The following SLK variants were observed in gnomAD, a reference collection of about 807,000 sequenced individuals.
SLK encodes STE20-like serine/threonine-protein kinase.
In SLK, 67 loss-of-function variants were observed where a neutral mutation model predicts 147.7. The observed-to-expected ratio is 0.45, with a 90% CI of 0.37 to 0.56. SLK has a LOEUF of 0.56. SLK is among the 20% of genes least tolerant of loss of function. The pLI is 0.00. For missense variants in SLK, 1,136 were observed against 1,438.8 expected (o/e 0.79, Z 3.41); for synonymous variants, 441 against 475.0 (o/e 0.93, Z 0.93).
At chr10:104,006,769 A>G (rs1844331211) in intron 11 of SLK, among the ~76,000 whole-genome samples, 1 of 150,422 alleles carries the variant, frequency 6.6e-6, no homozygotes, top group Non-Finnish European at 1.5e-5. Context: ...TGAACTGTGG[A>G]TTGTTGATTA....
chr10:104,010,678 A>G (rs766956149), intron 12 of SLK, 138 bp from the exon 13 acceptor site: 5 of 476,572 alleles, frequency 1.0e-5, no homozygotes, highest in Non-Finnish European at 1.9e-5. Flanking sequence ...TTTTCACCAG[A>G]CTAACACCTA....
intron 1 of SLK, among the ~76,000 whole-genome samples, chr10:103,971,292 T>C (rs1397316540): frequency 6.6e-6 from 1 of 152,202 alleles, no homozygotes; most frequent in East Asian, 1.9e-4. Flanking sequence ...TGTTTTGTTT[T>C]GAGATGGAGT....
At chr10:103,972,697 C>G (rs1218921863) in intron 1 of SLK, among the ~76,000 whole-genome samples, 3 of 151,840 alleles carry the variant, frequency 2.0e-5, no homozygotes, top group Non-Finnish European at 2.9e-5. Context: ...TTTCCTTGCT[C>G]TGCATCTTTG....
chr10:103,974,437 C>A (rs1381773992), intron 1 of SLK: 1 of 148,090 alleles, frequency 6.8e-6, no homozygotes, highest in Non-Finnish European at 1.5e-5. Flanking sequence ...CGGTGAAACC[C>A]CGTCTCTACT....
At position 104,020,587 on chromosome 10, in the gene SLK, A is replaced by G; in HGVS notation, c.3421A>G (p.Asn1141Asp). 1 of 1,613,806 alleles carries G rather than the reference A, an allele frequency of 6.2e-7. No individual in the cohort carries two copies. Residue 1141 changes from asparagine (N) to aspartate (D), a missense_variant, in exon 17 of 19, where the codon AAT (asparagine) becomes GAT (aspartate). Around this residue, in one of 6 missense-constraint regions of SLK, gnomAD observed 327 missense variants for 457.5 expected, o/e 0.71. Coordinates refer to ENST00000369755, the MANE Select transcript of SLK (RefSeq NM_014720.4). Reference protein sequence around the residue: ...MRDLQLQCEANVRELHQLQNE... With the variant: ...MRDLQLQCEADVRELHQLQNE... ...AGATCTTCAGTTGCAGTGTGAAGCCAATGTCCGCGAACTGCATCAGCTGCA... is the reference window on the plus strand; with the variant it reads ...AGATCTTCAGTTGCAGTGTGAAGCCGATGTCCGCGAACTGCATCAGCTGCA...
At chr10:103,979,046 C>T (rs1843907398) in intron 1 of SLK, among the ~76,000 whole-genome samples, 1 of 152,124 alleles carries the variant, frequency 6.6e-6, no homozygotes, top group Admixed American at 6.5e-5. Flanking sequence ...GACAGGGTCT[C>T]ACTCTGTCGC....
At position 103,987,715 on chromosome 10, in the gene SLK, G is replaced by A. The variant is rs189455008; in HGVS notation, c.151-2960G>A. Reference sequence around the variant, plus strand: ...AGCATTTTAAGATCTGATTCCTAACGTTAAAAATGATCCTAGTATCTACTA... The same window carrying A: ...AGCATTTTAAGATCTGATTCCTAACATTAAAAATGATCCTAGTATCTACTA... On this transcript the variant is annotated intron_variant, in intron 1 of 18. Coordinates refer to ENST00000369755, the MANE Select transcript of SLK (RefSeq NM_014720.4). Among the ~76,000 whole-genome samples, 306 of 152,220 alleles carry A rather than the reference G, an allele frequency of 2.0e-3. 1 individual carries two copies. The highest frequency in any genetic ancestry group is 3.4e-3 in the Non-Finnish European group (232 of 68,016).
At chr10:104,010,997 T>G (rs1479482556) in intron 13 of SLK, 89 bp downstream of exon 13, 2 of 702,852 alleles carry the variant, frequency 2.8e-6, no homozygotes, top group Admixed American at 3.8e-5. Context: ...AAATTTTAAG[T>G]GTTATTATTA....
intron 1 of SLK, among the ~76,000 whole-genome samples, chr10:103,980,456 A>G (rs1199074720): frequency 6.6e-6 from 1 of 152,164 alleles, no homozygotes; most frequent in East Asian, 1.9e-4. Flanking sequence ...TATCTTTTAA[A>G]ATGAAACTCT....
In SLK at chr10:104,027,306, A is replaced by C. The variant is rs1448547264; in HGVS notation, c.*1586A>C. On this transcript the variant is annotated 3_prime_UTR_variant, in exon 19 of 19. Coordinates refer to ENST00000369755, the MANE Select transcript of SLK (RefSeq NM_014720.4). ...GAATTTTATAATTGTTTTGACAAGCATAATTTACTTGGACAACTTCGTAGG... is the reference window on the plus strand; with the variant it reads ...GAATTTTATAATTGTTTTGACAAGCCTAATTTACTTGGACAACTTCGTAGG... 6.6e-6 allele frequency: 1 copy of C among 152,622 alleles called. No individual in the cohort carries two copies. Among genetic ancestry groups the C allele is most frequent in the Admixed American group, 6.5e-5 (1 of 15,278 alleles). 9.5% of individuals were successfully genotyped at this position (152,622 alleles called of 1,614,324 possible). A position where few individuals can be genotyped will look rare whatever the true frequency, so the allele number is the denominator to read the frequency against.
At chr10:104,014,993 G>T (rs1232815312) in intron 13 of SLK, among the ~76,000 whole-genome samples, 1 of 151,770 alleles carries the variant, frequency 6.6e-6, no homozygotes, top group Non-Finnish European at 1.5e-5. Flanking sequence ...TAAATTCCAT[G>T]TGAATGTTAT....
At chr10:104,007,952 T>C (rs1844349603) in intron 11 of SLK, among the ~76,000 whole-genome samples, 2 of 151,842 alleles carry the variant, frequency 1.3e-5, no homozygotes, top group African/African-American at 4.8e-5. Flanking sequence ...ACCCTGTCTC[T>C]AATAAATAAA....
chr10:104,016,433 G>A (rs1844467084), intron 13 of SLK, among the ~76,000 whole-genome samples: 1 of 152,006 alleles, frequency 6.6e-6, no homozygotes, highest in Non-Finnish European at 1.5e-5. Context: ...TAAAAGATAG[G>A]CTTGGAGATT....
rs997212202 is a variant in SLK, at chr10:103,967,574, C to T, written c.-172C>T. ...GCAGCACCCCCACCGCGGGCCGGAG[C>T]CCGGGTCGCCGCCCCGCCTTCTCCC... On this transcript the variant is annotated 5_prime_UTR_variant, in exon 1 of 19. Coordinates refer to ENST00000369755, the MANE Select transcript of SLK (RefSeq NM_014720.4). 44 of 191,350 alleles carry T rather than the reference C, an allele frequency of 2.3e-4. No individual in the cohort carries two copies. Among genetic ancestry groups the T allele is most frequent in the Non-Finnish European group, 3.0e-4 (31 of 104,884 alleles). The allele number at this position is 191,350 out of a possible 1,614,324, so 11.9% of individuals were successfully genotyped here. A position where few individuals can be genotyped will look rare whatever the true frequency, so the allele number is the denominator to read the frequency against.
In SLK at chr10:103,992,572, G is replaced by A. The variant is rs776494908; in HGVS notation, c.316-26G>A. On this transcript the variant is annotated intron_variant, in intron 2 of 18. Coordinates refer to ENST00000369755, the MANE Select transcript of SLK (RefSeq NM_014720.4). The stretch of plus-strand genomic sequence containing the variant: ...AAACTCCATGTAGTTTTAGACACAC[G>A]CTTTTTTTTTTTTTTTTGCATGCAG... The A allele has an allele frequency of 7.1e-5, 80 of 1,126,746 alleles. No homozygotes were observed. In the South Asian group the frequency reaches 9.0e-4, roughly 13 times the overall value. 69.8% of individuals were successfully genotyped at this position (1,126,746 alleles called of 1,614,324 possible). A position where few individuals can be genotyped will look rare whatever the true frequency, so the allele number is the denominator to read the frequency against.
chr10:104,001,730 T>C (rs896794751), intron 8 of SLK, among the ~76,000 whole-genome samples, 158 bp downstream of exon 8: 1 of 152,190 alleles, frequency 6.6e-6, no homozygotes, highest in Non-Finnish European at 1.5e-5. Context: ...ATTTTTGTTA[T>C]ATTTCCCTTT....
At chr10:103,998,810 TTA>T in intron 4 of SLK, 87 bp from the exon 5 acceptor site, 2 of 818,764 alleles carry the variant, frequency 2.4e-6, no homozygotes, top group Non-Finnish European at 4.0e-6. Context: ...ATTAGCCTTA[TTA>T]AAGACTTAAA....
chr10:104,028,001 A>C lies in SLK; in HGVS notation c.*2281A>C. 1 of 152,332 alleles carries C rather than the reference A, an allele frequency of 6.6e-6. No individual in the cohort carries two copies. Among genetic ancestry groups the C allele is most frequent in the Admixed American group, 6.5e-5 (1 of 15,306 alleles). The allele number at this position is 152,332 out of a possible 1,614,324, so 9.4% of individuals were successfully genotyped here. A position where few individuals can be genotyped will look rare whatever the true frequency, so the allele number is the denominator to read the frequency against. ...ATGTAGAGGTAAAGCATTCATTTTA[A>C]TACTTAAAGTTATATAAATCTTTTC... On this transcript the variant is annotated 3_prime_UTR_variant, in exon 19 of 19. Coordinates refer to ENST00000369755, the MANE Select transcript of SLK (RefSeq NM_014720.4).
intron 1 of SLK, among the ~76,000 whole-genome samples, chr10:103,983,057 G>T (rs1843967405): frequency 6.6e-6 from 1 of 150,452 alleles, no homozygotes; most frequent in Non-Finnish European, 1.5e-5. Context: ...AGGGGTGTGT[G>T]TATGTGCATG....
Sources: gnomAD v4.1 joint callset for allele counts (sites outside exome capture counted in the v4.1 genomes callset) on GRCh38, gnomAD v4.1.1 for gene constraint, gnomAD v4.1.1 regional missense constraint, MANE v1.5 for transcripts, NCBI Gene and HGNC (gene_info 2026-07-23, HGNC 2026-07-21) for gene names.